The following DYNC2H1 variants were observed in gnomAD, a reference collection of about 807,000 sequenced individuals.
DYNC2H1 encodes the protein cytoplasmic dynein 2 heavy chain 1.
DYNC2H1 carries 410 observed loss-of-function variants against 570.0 expected under a neutral mutation model. The observed-to-expected ratio is 0.72, with a 90% confidence interval of 0.66 to 0.78. DYNC2H1 has a LOEUF of 0.78. DYNC2H1 is among the 30% of genes least tolerant of loss of function. DYNC2H1 has a pLI of 0.00. For missense variants in DYNC2H1, 4,865 were observed against 5,046.4 expected (o/e 0.96, Z 1.09); for synonymous variants, 1,688 against 1,677.6 (o/e 1.01, Z -0.15).
chr11:103,454,897 A>G (rs1405444966), intron 85 of DYNC2H1: 1 of 273,992 alleles, frequency 3.6e-6, no homozygotes, highest in African/African-American at 2.2e-5. Context: ...TGCTGGCCCA[A>G]AATGGGGTGC....
In DYNC2H1 at chr11:103,436,661, A is replaced by C. The variant is rs144953024; in HGVS notation, c.12456+629A>C. ...CAGCACTCTTCATCCATGTTTTTTA[A>C]AATAATGATCCACAAGTCTGTTCAC... is the stretch of plus-strand genomic sequence containing the variant. On this transcript the variant is annotated intron_variant, in intron 85 of 88. Transcript: ENST00000375735. Among the ~76,000 whole-genome samples the C allele has an allele frequency of 1.1e-3, 168 of 152,206 alleles. 3 individuals carry two copies. In the East Asian group the frequency reaches 0.03, roughly 28 times the overall value.
intron 78 of DYNC2H1, among the ~76,000 whole-genome samples, chr11:103,310,253 G>A (rs1867512834): frequency 1.3e-5 from 2 of 151,538 alleles, no homozygotes; most frequent in African/African-American, 4.9e-5. Context: ...TTCTAATGCT[G>A]TCTTTAGATT....
rs1286641979 is a variant in DYNC2H1 at position 103,261,448 on chromosome 11, T to G, written c.10695+1471T>G. On this transcript the variant is annotated intron_variant, in intron 70 of 88. Transcript: ENST00000375735. The surrounding 1 kb of genome is among the most constrained non-coding windows in gnomAD (Gnocchi z 4.8). ...CGACAGACATCTCATATAGGAGCAC[T>G]GCAGCTGGCATCTGGTGCGTGCCCC... 6.6e-6 allele frequency among the ~76,000 whole-genome samples: 1 copy of G among 152,124 alleles called. No individual in the cohort carries two copies. The highest frequency in any genetic ancestry group is 1.5e-5 in the Non-Finnish European group (1 of 68,046).
Position 103,200,042 on chromosome 11 carries a change from G to A in DYNC2H1, c.8089-4G>A. ...GCACTAAAAAATATTTTCTGATTTTGCAGGTGCTGCAACTTGCAGGAATTG... is the reference window on the plus strand; with the variant it reads ...GCACTAAAAAATATTTTCTGATTTTACAGGTGCTGCAACTTGCAGGAATTG... On this transcript the variant is annotated splice_polypyrimidine_tract_variant and splice_region_variant and intron_variant, in intron 49 of 88. Transcript: ENST00000375735. 6.4e-7 allele frequency: 1 copy of A among 1,568,452 alleles called. No homozygotes were observed. Among genetic ancestry groups the A allele is most frequent in the Non-Finnish European group, 8.7e-7 (1 of 1,153,856 alleles).
At position 103,307,191 on chromosome 11, in the gene DYNC2H1, G is replaced by C. The variant is rs1194359536; in HGVS notation, c.11383-530G>C. On this transcript the variant is annotated intron_variant, in intron 77 of 88. Coordinates refer to ENST00000375735, the MANE Select transcript of DYNC2H1 (RefSeq NM_001377.3). ...ATGAGAAGCATGGGCAGATGAATTTGTATGGTGAAGTTTTGAATTTATATT... is the reference window on the plus strand; with the variant it reads ...ATGAGAAGCATGGGCAGATGAATTTCTATGGTGAAGTTTTGAATTTATATT... Among the ~76,000 whole-genome samples the C allele has an allele frequency of 3.3e-5, 5 of 152,266 alleles. No homozygotes were observed. The East Asian group carries it at 7.7e-4, about 23-fold the overall frequency.
intron 84 of DYNC2H1, among the ~76,000 whole-genome samples, chr11:103,434,292 C>A (rs1943988881): frequency 6.6e-6 from 1 of 152,058 alleles, no homozygotes; most frequent in South Asian, 2.1e-4. Flanking sequence ...TAGACAAAAA[C>A]CACAAACAAA....
chr11:103,399,546 A>G (rs953380529), intron 83 of DYNC2H1, 117 bp from the exon 84 acceptor site: 1 of 705,382 alleles, frequency 1.4e-6, no homozygotes. Context: ...AAATAAAAGC[A>G]TTTCAAAATA....
chr11:103,147,087 A>G (rs1860276817), intron 18 of DYNC2H1, among the ~76,000 whole-genome samples: 1 of 152,184 alleles, frequency 6.6e-6, no homozygotes. Context: ...TAAATCTTGG[A>G]GCCTGCCTTG....
rs1469568113 is a variant in DYNC2H1, at chr11:103,280,112, G to A, written c.10696-236G>A. Among the ~76,000 whole-genome samples, 1 of 152,060 alleles carries A rather than the reference G, an allele frequency of 6.6e-6. No individual in the cohort carries two copies. The highest frequency in any genetic ancestry group is 1.5e-5 in the Non-Finnish European group (1 of 67,970). On this transcript the variant is annotated intron_variant, in intron 70 of 88. Transcript: ENST00000375735. The surrounding 1 kb of genome is among the most constrained non-coding windows in gnomAD (Gnocchi z 4.7). ...TGTTTTTTAATGACATGGGCCCACTGCATAATTGTTAGTGCTTTCTCCAAA... is the reference window on the plus strand; with the variant it reads ...TGTTTTTTAATGACATGGGCCCACTACATAATTGTTAGTGCTTTCTCCAAA...
intron 13 of DYNC2H1, among the ~76,000 whole-genome samples, chr11:103,132,560 C>T (rs996352361): frequency 2.0e-5 from 3 of 151,532 alleles, no homozygotes; most frequent in Non-Finnish European, 4.4e-5. Flanking sequence ...CCCTTATATT[C>T]TGGTCATTTT....
chr11:103,461,197 C>A lies in DYNC2H1; in HGVS notation c.12648+4841C>A, dbSNP rs899265987. Among the ~76,000 whole-genome samples the A allele has an allele frequency of 6.6e-6, 1 of 152,146 alleles. No individual in the cohort carries two copies. Among genetic ancestry groups the A allele is most frequent in the African/African-American group, 2.4e-5 (1 of 41,442 alleles). ...GGCAAAATTAGTAAGTTCATTTGTC[C>A]ATTTAGGCTCCTTTTAATTATGTTT... is the stretch of plus-strand genomic sequence containing the variant. On this transcript the variant is annotated intron_variant, in intron 87 of 88. Coordinates refer to ENST00000375735, the MANE Select transcript of DYNC2H1 (RefSeq NM_001377.3). This position sits in a 1 kb window ranked among gnomAD's most constrained non-coding sequence, Gnocchi z 4.8.
At chr11:103,169,989 TA>T in intron 32 of DYNC2H1, 118 bp from the exon 33 acceptor site, 1 of 977,584 alleles carries the variant, frequency 1.0e-6, no homozygotes, top group Non-Finnish European at 1.4e-6. Flanking sequence ...TTTTCTGTGT[TA>T]AAAACTTTAA....
Position 103,133,907 on chromosome 11 carries a change from A to G in DYNC2H1, c.2106+200A>G, listed in dbSNP as rs1443481141. ...ACCGGAGTAGTTATCAAAACCAGGA[A>G]AAAGACTGTTTTGAATTTTACAATT... is the stretch of plus-strand genomic sequence containing the variant. On this transcript the variant is annotated intron_variant, in intron 14 of 88. Transcript: ENST00000375735. This position sits in a 1 kb window ranked among gnomAD's most constrained non-coding sequence, Gnocchi z 4.8. Among the ~76,000 whole-genome samples, 2 of 152,204 alleles carry G rather than the reference A, an allele frequency of 1.3e-5. No homozygotes were observed. Among genetic ancestry groups the G allele is most frequent in the African/African-American group, 2.4e-5 (1 of 41,444 alleles).
rs1285241270 is a variant in DYNC2H1 at position 103,152,157 on chromosome 11, G to A, written c.2968G>A (p.Ala990Thr). 1.2e-6 allele frequency: 2 copies of A among 1,600,502 alleles called. No homozygotes were observed. The highest frequency in any genetic ancestry group is 1.4e-5 in the African/African-American group (1 of 73,312). The change falls in exon 21 of 89, where the codon GCT becomes ACT. Residue 990 changes from alanine to threonine, a missense_variant. Transcript: ENST00000375735. Reference protein sequence around the residue: ...KPEILPLFQEAEDKNRLLRTV... With the variant: ...KPEILPLFQETEDKNRLLRTV... ...TTAGATTTTGCCCTTATTTCAAGAA[G>A]CTGAAGACAAAAACAGACTTTTACG...
At position 103,451,324 on chromosome 11, in the gene DYNC2H1, CTTTTTTTTTTTTTTTT is replaced by C. The variant is rs34032894; in HGVS notation, c.12457-3850_12457-3835del. Among the ~76,000 whole-genome samples the C allele has an allele frequency of 8.9e-4, 63 of 71,036 alleles. 3 individuals are homozygous for C. The South Asian group carries it at 0.033, about 37-fold the overall frequency. The allele number at this position is 71,036 out of a possible 152,430, so 46.6% of individuals were successfully genotyped here. On this transcript the variant is annotated intron_variant, in intron 85 of 88. Coordinates refer to ENST00000375735, the MANE Select transcript of DYNC2H1 (RefSeq NM_001377.3). ...AGAAATGAATCACTGAGTAAAAGGG[CTTTTTTTTTTTTTTTT>C]TTTTTTTTTTTGAGATGGAGTCTTG...
At chr11:103,447,748 G>A (rs1210884799) in intron 85 of DYNC2H1, among the ~76,000 whole-genome samples, 1 of 152,082 alleles carries the variant, frequency 6.6e-6, no homozygotes, top group Non-Finnish European at 1.5e-5. Context: ...AAGCACTTGG[G>A]TTTACTACTA....
chr11:103,180,433 T>G (rs1364062856), intron 39 of DYNC2H1, among the ~76,000 whole-genome samples: 1 of 151,658 alleles, frequency 6.6e-6, no homozygotes, highest in Non-Finnish European at 1.5e-5. Flanking sequence ...CTATTAATAT[T>G]TAGCAGAAAA....
chr11:103,238,975 C>G (rs551638744), intron 63 of DYNC2H1, among the ~76,000 whole-genome samples: 62 of 152,186 alleles, frequency 4.1e-4, no homozygotes, highest in African/African-American at 1.5e-3. Flanking sequence ...CAACAGTGTC[C>G]TGGTTTGGGT....
chr11:103,352,965 C>T (rs1032419076), intron 82 of DYNC2H1, among the ~76,000 whole-genome samples: 2 of 152,052 alleles, frequency 1.3e-5, no homozygotes, highest in African/African-American at 4.8e-5. Context: ...TACTATACAG[C>T]CATAAAAAGA....
Sources: allele counts gnomAD v4.1 joint callset (sites outside exome capture counted in the v4.1 genomes callset), GRCh38; gene constraint gnomAD v4.1.1; non-coding constraint Gnocchi (gnomAD v3.1); transcripts MANE v1.5; gene names NCBI Gene and HGNC (gene_info 2026-07-23, HGNC 2026-07-21).